Variants in CSGALNACT1 observed in about 807,000 individuals in gnomAD.
The protein encoded by CSGALNACT1 is beta4GalNAcT-1.
CSGALNACT1 carries 52 observed loss-of-function variants against 51.0 expected under a neutral mutation model. The ratio of observed to expected loss-of-function variants is 1.02; its 90% CI spans 0.82 to 1.29. The LOEUF (loss-of-function observed/expected upper bound fraction) is 1.29, where lower values mean the gene tolerates loss of function less well. CSGALNACT1 is among the 50% of genes most tolerant of loss of function. CSGALNACT1 has a pLI of 0.00. For missense variants in CSGALNACT1, 935 were observed against 679.2 expected, an observed-to-expected ratio of 1.38 and a Z score of -4.19; for synonymous variants, 341 against 254.4, an observed-to-expected ratio of 1.34 and a Z score of -3.24.
chr8:19,494,293 A>C (rs2075030818), intron 4 of CSGALNACT1, among the ~76,000 whole-genome samples: 1 of 151,860 alleles, frequency 6.6e-6, no homozygotes, highest in East Asian at 1.9e-4. Context: ...CTCCCAAAAC[A>C]CTCCCCTCCT....
intron 8 of CSGALNACT1, 45 bp from the exon 8 acceptor site, chr8:19,408,739 CA>C: frequency 6.4e-7 from 1 of 1,569,522 alleles, no homozygotes; most frequent in Non-Finnish European, 8.8e-7. Context: ...TTAGGGTGGA[CA>C]AAAATAGAGT....
intron 6 of CSGALNACT1, among the ~76,000 whole-genome samples, chr8:19,424,018 T>C (rs1342230143): frequency 6.6e-6 from 1 of 152,170 alleles, no homozygotes; most frequent in Non-Finnish European, 1.5e-5. Flanking sequence ...CACGCAGGAC[T>C]CTGCCCTGAT....
chr8:19,513,450 A>G (rs867225158), intron 3 of CSGALNACT1, among the ~76,000 whole-genome samples: 2 of 139,168 alleles, frequency 1.4e-5, no homozygotes, highest in African/African-American at 2.7e-5. Context: ...ATATATATAT[A>G]TATATATATA....
intron 1 of CSGALNACT1, among the ~76,000 whole-genome samples, chr8:19,639,743 G>T (rs1190912747): frequency 6.6e-6 from 1 of 152,044 alleles, no homozygotes; most frequent in Non-Finnish European, 1.5e-5. Context: ...ACGTGCAACT[G>T]CTCTGACCCG....
chr8:19,490,604 C>A (rs1353819156), intron 4 of CSGALNACT1, among the ~76,000 whole-genome samples: 3 of 152,194 alleles, frequency 2.0e-5, no homozygotes, highest in Non-Finnish European at 4.4e-5. Context: ...GATAAATCCA[C>A]ACCAGCTTAG....
chr8:19,594,987 C>A (rs927979619), intron 2 of CSGALNACT1, among the ~76,000 whole-genome samples: 1 of 152,158 alleles, frequency 6.6e-6, no homozygotes, highest in Non-Finnish European at 1.5e-5. Context: ...ATAGAAGTAG[C>A]CCTGTCTGCA....
intron 1 of CSGALNACT1, among the ~76,000 whole-genome samples, chr8:19,733,705 C>G (rs1465339600): frequency 2.0e-5 from 3 of 152,320 alleles, no homozygotes; most frequent in East Asian, 3.9e-4. Context: ...GCCTGAAAGA[C>G]GTCTACATGT....
chr8:19,441,923 C>T (rs1335318081), intron 5 of CSGALNACT1, among the ~76,000 whole-genome samples: 1 of 152,156 alleles, frequency 6.6e-6, no homozygotes, highest in African/African-American at 2.4e-5. Context: ...TGAACAGACA[C>T]TTCTCAAAAG....
chr8:19,733,038 T>G (rs2063774297), intron 1 of CSGALNACT1, among the ~76,000 whole-genome samples: 1 of 152,226 alleles, frequency 6.6e-6, no homozygotes, highest in South Asian at 2.1e-4. Context: ...CCCTTTACCC[T>G]GTTATATTAG....
intron 6 of CSGALNACT1, among the ~76,000 whole-genome samples, chr8:19,421,848 G>A (rs1055959174): frequency 6.6e-6 from 1 of 152,152 alleles, no homozygotes; most frequent in East Asian, 1.9e-4. Context: ...AGAGTTTGAT[G>A]CCAAACATGC....
chr8:19,696,104 G>T (rs1181527914), intron 1 of CSGALNACT1, among the ~76,000 whole-genome samples: 1 of 152,148 alleles, frequency 6.6e-6, no homozygotes, highest in Admixed American at 6.5e-5. Flanking sequence ...AATTGGATAG[G>T]CAGGAATGCT....
At chr8:19,601,904 T>G (rs1055957948) in intron 1 of CSGALNACT1, 39 bp from the exon 2 acceptor site, 1 of 453,808 alleles carries the variant, frequency 2.2e-6, no homozygotes, top group South Asian at 1.6e-5. Context: ...CCTTGTAAAT[T>G]TCCATGTCTT....
Position 19,757,621 on chromosome 8 carries a change from C to A in CSGALNACT1, c.-297+229G>T, listed in dbSNP as rs2065479793. 6.6e-6 allele frequency among the ~76,000 whole-genome samples: 1 copy of A among 152,140 alleles called. No homozygotes were observed. The highest frequency in any genetic ancestry group is 1.5e-5 in the Non-Finnish European group (1 of 68,000). ...TAGAGACTAGGACACTGTGGCGTGGCCCGAGTTGCAGGAGAGAGGTGTCCA... is the reference window on the plus strand; with the variant it reads ...TAGAGACTAGGACACTGTGGCGTGGACCGAGTTGCAGGAGAGAGGTGTCCA... On this transcript the variant is annotated intron_variant, in intron 1 of 1. Transcript: ENST00000517494. This position sits in a 1 kb window ranked among gnomAD's most constrained non-coding sequence, Gnocchi z 4.0.
At chr8:19,724,899 C>T (rs1464868215) in intron 1 of CSGALNACT1, among the ~76,000 whole-genome samples, 1 of 152,178 alleles carries the variant, frequency 6.6e-6, no homozygotes, top group East Asian at 1.9e-4. Flanking sequence ...GCATTCTCTT[C>T]TTTGGCTGGT....
chr8:19,638,153 TCCTTTGTATTGAAACTCCCTTCC>T (rs2056325169), intron 1 of CSGALNACT1, among the ~76,000 whole-genome samples: 1 of 79,940 alleles, frequency 1.3e-5, no homozygotes, highest in Non-Finnish European at 2.7e-5. Flanking sequence ...TCCCAGGCCC[TCCTTTGTATTGAAACTCCCTTCC>T]CTGCCTCCTT....
intron 3 of CSGALNACT1, among the ~76,000 whole-genome samples, chr8:19,522,540 G>C (rs1252574583): frequency 6.6e-6 from 1 of 152,198 alleles, no homozygotes; most frequent in Non-Finnish European, 1.5e-5. Context: ...GCTTAGCCCA[G>C]TGTCCTGGCA....
intron 1 of CSGALNACT1, among the ~76,000 whole-genome samples, chr8:19,708,127 C>T (rs967572183): frequency 5.9e-5 from 9 of 152,192 alleles, no homozygotes; most frequent in African/African-American, 1.9e-4. Context: ...GAACTGAGAA[C>T]GGGAGGAAAG....
chr8:19,686,598 T>C (rs928683295), upstream of CSGALNACT1, among the ~76,000 whole-genome samples: 6 of 152,146 alleles, frequency 3.9e-5, no homozygotes, highest in African/African-American at 1.4e-4. Context: ...ACTGAAATAA[T>C]AGCCACCAAA....
At chr8:19,525,331 T>C (rs2081447235) in intron 3 of CSGALNACT1, among the ~76,000 whole-genome samples, 1 of 152,086 alleles carries the variant, frequency 6.6e-6, no homozygotes, top group Non-Finnish European at 1.5e-5. Context: ...TGGCTGGGCA[T>C]GGTGGCCCAT....
Sources: gnomAD v4.1 joint callset for allele counts (sites outside exome capture counted in the v4.1 genomes callset) on GRCh38, gnomAD v4.1.1 for gene constraint, Gnocchi (gnomAD v3.1) non-coding constraint, MANE v1.5 for transcripts, NCBI Gene and HGNC (gene_info 2026-07-23, HGNC 2026-07-21) for gene names.